ARID1B: variants seen among roughly 807,000 people sequenced by gnomAD.
ARID1B encodes AT-rich interaction domain 1B.
In ARID1B, 30 loss-of-function variants were observed where a neutral mutation model predicts 212.3. The observed-to-expected ratio is 0.14, with a 90% confidence interval of 0.11 to 0.19. ARID1B has a LOEUF of 0.19. ARID1B is among the 10% of genes least tolerant of loss of function. The probability of loss-of-function intolerance (pLI) is 1.00; values close to 1 mark genes in which losing one functional copy is unlikely to be tolerated. For synonymous variants in ARID1B, 1,402 were observed against 1,301.7 expected (o/e 1.08, Z -1.66); for missense variants, 2,891 against 3,204.0 (o/e 0.90, Z 2.36).
intron 6 of ARID1B, among the ~76,000 whole-genome samples, chr6:157,112,027 A>T (rs1786962981): frequency 6.6e-6 from 1 of 152,126 alleles, no homozygotes; most frequent in Non-Finnish European, 1.5e-5. Flanking sequence ...CTGCCTTCTA[A>T]TAGTACAATA....
chr6:157,189,705 A>G lies in ARID1B; in HGVS notation c.3983A>G (p.Glu1328Gly), dbSNP rs2128338838. The part of the protein sequence containing the change: ...PQSTGSNSMA[E>G]VPGDLKPPTP... The stretch of plus-strand genomic sequence containing the variant: ...TCAACTGGCAGCAATTCCATGGCAG[A>G]GGTTCCAGGTGACCTGAAGCCACCT... The change falls in exon 14 of 20, where the codon GAG becomes GGG. Residue 1328 changes from glutamate to glycine, a missense_variant. Physicochemically the swap from Glu to Gly is moderately conservative, Grantham distance 98. Transcript: ENST00000636930. 3 of 1,613,914 alleles carry G rather than the reference A, an allele frequency of 1.9e-6. No individual in the cohort carries two copies. Among genetic ancestry groups the G allele is most frequent in the Non-Finnish European group, 2.5e-6 (3 of 1,180,016 alleles).
intron 4 of ARID1B, among the ~76,000 whole-genome samples, chr6:156,946,702 G>A (rs1398094298): frequency 6.6e-6 from 1 of 152,186 alleles, no homozygotes; most frequent in African/African-American, 2.4e-5. Flanking sequence ...AATAGAGGGA[G>A]GGAGGGAGGG....
At position 157,190,971 on chromosome 6, in the gene ARID1B, C is replaced by T. The variant is rs1448401669; in HGVS notation, c.4231+761C>T. Reference sequence around the variant, plus strand: ...TGGTGGGTGTCCAGAGCACAGTGAGCATGGGCCCGGGGACAGGCTGAGGTC... The same window carrying T: ...TGGTGGGTGTCCAGAGCACAGTGAGTATGGGCCCGGGGACAGGCTGAGGTC... On this transcript the variant is annotated intron_variant, in intron 15 of 19. Coordinates refer to ENST00000636930, the MANE Select transcript of ARID1B (RefSeq NM_001374828.1). The surrounding 1 kb of genome is among the most constrained non-coding windows in gnomAD (Gnocchi z 4.6). 6.6e-6 allele frequency among the ~76,000 whole-genome samples: 1 copy of T among 151,962 alleles called. No individual in the cohort carries two copies. The highest frequency in any genetic ancestry group is 1.5e-5 in the Non-Finnish European group (1 of 68,020).
chr6:157,102,929 C>G (rs1355606186), intron 5 of ARID1B, among the ~76,000 whole-genome samples: 1 of 152,116 alleles, frequency 6.6e-6, no homozygotes, highest in East Asian at 1.9e-4. Context: ...CTCATATTAT[C>G]ATTTAGAACA....
chr6:156,961,504 G>A (rs1388914691), intron 4 of ARID1B, among the ~76,000 whole-genome samples: 1 of 152,162 alleles, frequency 6.6e-6, no homozygotes. Context: ...TCCCGGGTCC[G>A]CTGCGTTGCG....
At chr6:156,800,417 C>T (rs547611875) in intron 1 of ARID1B, among the ~76,000 whole-genome samples, 33 of 152,110 alleles carry the variant, frequency 2.2e-4, no homozygotes, top group African/African-American at 7.0e-4. Flanking sequence ...GGTAAAACCT[C>T]GTCTCTACTA....
chr6:157,121,629 C>CTT (rs1389687982), intron 6 of ARID1B, among the ~76,000 whole-genome samples: 20,819 of 112,720 alleles, frequency 0.18, 4,256 homozygotes, highest in African/African-American at 0.45. Context: ...TCATATATAG[C>CTT]TTTTTTTTTT....
chr6:156,949,501 C>A (rs1312953180), intron 4 of ARID1B, among the ~76,000 whole-genome samples: 1 of 152,158 alleles, frequency 6.6e-6, no homozygotes, highest in Admixed American at 6.5e-5. Context: ...ATTTGGCTTC[C>A]AGGGCCTGTC....
chr6:156,887,162 G>T (rs1268902901), intron 2 of ARID1B, among the ~76,000 whole-genome samples: 2 of 152,234 alleles, frequency 1.3e-5, no homozygotes, highest in African/African-American at 4.8e-5. Flanking sequence ...AGCCTGTCCT[G>T]TCCTAGGTAA....
intron 3 of ARID1B, among the ~76,000 whole-genome samples, chr6:156,930,078 G>GTA (rs1791575223): frequency 6.6e-6 from 1 of 152,184 alleles, no homozygotes; most frequent in Non-Finnish European, 1.5e-5. Context: ...CAATTTGCCA[G>GTA]TATATATTAA....
At chr6:156,921,548 G>A (rs1304293769) in intron 3 of ARID1B, among the ~76,000 whole-genome samples, 1 of 151,788 alleles carries the variant, frequency 6.6e-6, no homozygotes, top group Admixed American at 6.6e-5. Flanking sequence ...TTGGAGAAGG[G>A]GGATGCCTGT....
At chr6:156,964,095 G>A (rs766392735) in intron 4 of ARID1B, among the ~76,000 whole-genome samples, 20 of 152,330 alleles carry the variant, frequency 1.3e-4, no homozygotes, top group Non-Finnish European at 2.2e-4. Context: ...CAGTTGTGGG[G>A]GATGTTGTCC....
chr6:156,838,979 C>A lies in ARID1B; in HGVS notation c.1986+9558C>A, dbSNP rs76214424. Among the ~76,000 whole-genome samples, 755 of 152,200 alleles carry A rather than the reference C, an allele frequency of 5.0e-3. 5 individuals carry two copies. The highest frequency in any genetic ancestry group is 0.017 in the African/African-American group (698 of 41,530). The stretch of plus-strand genomic sequence containing the variant: ...ATCCCAATAGTCATTTTCCAGACAT[C>A]TTAAGGATTTACATCTCTGGAGGTT... On this transcript the variant is annotated intron_variant, in intron 2 of 19. Coordinates refer to ENST00000636930, the MANE Select transcript of ARID1B (RefSeq NM_001374828.1).
intron 5 of ARID1B, among the ~76,000 whole-genome samples, chr6:157,096,454 C>T (rs368761665): frequency 1.3e-5 from 2 of 152,230 alleles, no homozygotes; most frequent in South Asian, 2.1e-4. Flanking sequence ...TTTCCCCTCC[C>T]TCCTGAAAGC....
At chr6:157,180,043 A>G (rs1792393080) in intron 11 of ARID1B, among the ~76,000 whole-genome samples, 1 of 152,246 alleles carries the variant, frequency 6.6e-6, no homozygotes, top group Non-Finnish European at 1.5e-5. Flanking sequence ...GAACTGAGAA[A>G]AGATTTTGTA....
At chr6:157,076,460 T>A (rs1399022222) in intron 4 of ARID1B, among the ~76,000 whole-genome samples, 2 of 151,842 alleles carry the variant, frequency 1.3e-5, no homozygotes, top group Non-Finnish European at 2.9e-5. Flanking sequence ...AGTTGCTAAT[T>A]TATTTACAGT....
rs1794140417 is a variant in ARID1B at position 157,201,881 on chromosome 6, A to G, written c.5263+393A>G. On this transcript the variant is annotated intron_variant, in intron 18 of 19. Transcript: ENST00000636930. The surrounding 1 kb of genome is among the most constrained non-coding windows in gnomAD (Gnocchi z 5.2). ...GGAATCCTGAGTGGTTATATGCTGT[A>G]TTTTGGGCTTAAAGATTTGAACTTA... Among the ~76,000 whole-genome samples the G allele has an allele frequency of 6.6e-6, 1 of 152,202 alleles. No homozygotes were observed. The highest frequency in any genetic ancestry group is 2.1e-4 in the South Asian group (1 of 4,828).
At chr6:157,187,025 T>G (rs1456486337) in intron 13 of ARID1B, among the ~76,000 whole-genome samples, 1 of 152,252 alleles carries the variant, frequency 6.6e-6, no homozygotes, top group Non-Finnish European at 1.5e-5. Flanking sequence ...TCTGGGTTCC[T>G]GTCTTCCAGC....
At chr6:157,093,179 A>G (rs182990265) in intron 5 of ARID1B, among the ~76,000 whole-genome samples, 1 of 152,372 alleles carries the variant, frequency 6.6e-6, no homozygotes, top group African/African-American at 2.4e-5. Context: ...ACTTGAGTAC[A>G]TTTTGGAAAA....
Sources: allele counts gnomAD v4.1 joint callset (sites outside exome capture counted in the v4.1 genomes callset), GRCh38; gene constraint gnomAD v4.1.1; non-coding constraint Gnocchi (gnomAD v3.1); transcripts MANE v1.5; gene names NCBI Gene and HGNC (gene_info 2026-07-23, HGNC 2026-07-21).